DNM1L: variants seen among roughly 807,000 people sequenced by gnomAD.
DNM1L encodes the protein dynamin-1-like protein.
DNM1L carries 33 observed loss-of-function variants against 92.8 expected under a neutral mutation model. That is an observed-to-expected ratio of 0.36 (90% confidence interval 0.27 to 0.48). The LOEUF (loss-of-function observed/expected upper bound fraction) is 0.48. Among genes scored for constraint, DNM1L ranks in the 20% least tolerant of loss-of-function variants. DNM1L has a pLI of 0.99. For synonymous variants in DNM1L, 284 were observed against 305.0 expected, an observed-to-expected ratio of 0.93 and a Z score of 0.72; for missense variants, 485 against 888.8, an observed-to-expected ratio of 0.55 and a Z score of 5.78.
chr12:32,707,518 T>A, intron 3 of DNM1L, 105 bp downstream of exon 3: 1 of 726,264 alleles, frequency 1.4e-6, no homozygotes, highest in Non-Finnish European at 2.2e-6. Context: ...TATTTTAAAG[T>A]AACTATAACT....
intron 3 of DNM1L, 131 bp from the exon 4 acceptor site, chr12:32,708,022 A>G: frequency 1.7e-6 from 1 of 599,350 alleles, no homozygotes; most frequent in South Asian, 2.0e-5. Context: ...GAAAATATGT[A>G]TACATTAGAA....
intron 18 of DNM1L, among the ~76,000 whole-genome samples, chr12:32,740,748 TTC>T (rs1157080789): frequency 6.6e-6 from 1 of 152,222 alleles, no homozygotes; most frequent in Non-Finnish European, 1.5e-5. Context: ...GATTCTTTTG[TTC>T]TATCTGGCTG....
chr12:32,685,183 C>T (rs939135270), intron 1 of DNM1L, among the ~76,000 whole-genome samples: 1 of 151,648 alleles, frequency 6.6e-6, no homozygotes, highest in African/African-American at 2.4e-5. Flanking sequence ...GTGATCCACC[C>T]GCCTCGGCCT....
chr12:32,724,614 AT>A lies in DNM1L; in HGVS notation c.1079+1982del, dbSNP rs1954005580. 1.3e-4 allele frequency among the ~76,000 whole-genome samples: 18 copies of A among 139,974 alleles called. 1 individual carries two copies. The South Asian group carries it at 2.4e-3, about 19-fold the overall frequency. The allele number at this position is 139,974 out of a possible 152,430, so 91.8% of individuals were successfully genotyped here. ...AAAAAATATATATATATATATATAT[AT>A]ATATAAATTATATTAATTAAATATA... On this transcript the variant is annotated intron_variant, in intron 9 of 19. Transcript: ENST00000549701.
At chr12:32,683,460 C>T (rs1365103012) in intron 1 of DNM1L, among the ~76,000 whole-genome samples, 2 of 152,030 alleles carry the variant, frequency 1.3e-5, no homozygotes, top group African/African-American at 4.8e-5. Flanking sequence ...TCAAATGATC[C>T]TCTTGCCTTG....
intron 19 of DNM1L, 96 bp downstream of exon 19, chr12:32,742,844 T>C: frequency 1.4e-6 from 2 of 1,443,690 alleles, no homozygotes; most frequent in Non-Finnish European, 1.9e-6. Flanking sequence ...GTATAGTCTT[T>C]ATATTCTAGC....
chr12:32,682,964 A>C (rs1951865261), intron 1 of DNM1L, among the ~76,000 whole-genome samples: 1 of 152,210 alleles, frequency 6.6e-6, no homozygotes, highest in Admixed American at 6.5e-5. Flanking sequence ...TTGCAAGTAG[A>C]GGAGATAAGA....
Position 32,739,979 on chromosome 12 carries a change from T to C in DNM1L, c.1708-85T>C, listed in dbSNP as rs868160060. ...ACTTCAGATGGGTACTGGATGTATA[T>C]TGACTACTGTCAAATAAAATGAACT... On this transcript the variant is annotated intron_variant, in intron 16 of 19. Transcript: ENST00000549701. The C allele has an allele frequency of 2.5e-5, 39 of 1,564,634 alleles. No homozygotes were observed. The Middle Eastern group carries it at 1.7e-3, about 67-fold the overall frequency.
At chr12:32,704,271 C>T (rs148949861) in intron 2 of DNM1L, among the ~76,000 whole-genome samples, 1,562 of 152,114 alleles carry the variant, frequency 0.01, 35 homozygotes, top group African/African-American at 0.035. Context: ...AAACATAGGC[C>T]GGGCGCGGTG....
chr12:32,711,951 A>C (rs754399586), intron 5 of DNM1L, among the ~76,000 whole-genome samples: 17 of 152,194 alleles, frequency 1.1e-4, no homozygotes, highest in Non-Finnish European at 2.4e-4. Context: ...CATCCTTGAC[A>C]CTAATTTATC....
At chr12:32,732,700 T>A (rs567643945) in intron 12 of DNM1L, 263 of 413,632 alleles carry the variant, frequency 6.4e-4, no homozygotes, top group Non-Finnish European at 1.0e-3. Flanking sequence ...TCATTGGACC[T>A]TCATTTTAAT....
chr12:32,686,928 CTTTTTTTTCTTT>C (rs1177698096), intron 1 of DNM1L, among the ~76,000 whole-genome samples: 1,412 of 121,612 alleles, frequency 0.012, 33 homozygotes, highest in African/African-American at 0.046. Context: ...TGTAAGAGTT[CTTTTTTTTCTTT>C]TTTTTTTTTT....
chr12:32,717,295 T>A lies in DNM1L; in HGVS notation c.620-1348T>A, dbSNP rs1158564585. Reference sequence around the variant, plus strand: ...TATATATTATATATACACTATATATTTTATATATACTATATATTATATATA... The same window carrying A: ...TATATATTATATATACACTATATATATTATATATACTATATATTATATATA... On this transcript the variant is annotated intron_variant, in intron 6 of 19. Transcript: ENST00000549701. 1.2e-3 allele frequency among the ~76,000 whole-genome samples: 113 copies of A among 93,344 alleles called. 2 individuals carry two copies. The highest frequency in any genetic ancestry group is 4.9e-3 in the African/African-American group (104 of 21,250). The allele number at this position is 93,344 out of a possible 152,430, so 61.2% of individuals were successfully genotyped here. A position where few individuals can be genotyped will look rare whatever the true frequency, so the allele number is the denominator to read the frequency against.
intron 6 of DNM1L, among the ~76,000 whole-genome samples, chr12:32,714,733 A>G (rs1264144716): frequency 6.6e-6 from 1 of 151,756 alleles, no homozygotes; most frequent in Non-Finnish European, 1.5e-5. Flanking sequence ...TGCCCGTAAT[A>G]CCAAGCACTT....
At chr12:32,735,829 A>G (rs550716218) in intron 13 of DNM1L, among the ~76,000 whole-genome samples, 2 of 152,184 alleles carry the variant, frequency 1.3e-5, no homozygotes, top group East Asian at 3.9e-4. Flanking sequence ...GTGAGCCAAG[A>G]TCACACCACT....
intron 1 of DNM1L, among the ~76,000 whole-genome samples, chr12:32,697,831 A>G (rs1952531662): frequency 6.6e-6 from 1 of 152,182 alleles, no homozygotes; most frequent in South Asian, 2.1e-4. Flanking sequence ...TACAAAGCAA[A>G]ATCAGCAAAA....
intron 4 of DNM1L, among the ~76,000 whole-genome samples, chr12:32,708,834 C>A (rs918499370): frequency 2.0e-5 from 3 of 151,984 alleles, no homozygotes; most frequent in Non-Finnish European, 2.9e-5. Context: ...CTGAATCCTG[C>A]TGTCTTCTGT....
chr12:32,700,026 C>T (rs1053825092), intron 1 of DNM1L, among the ~76,000 whole-genome samples: 1 of 151,838 alleles, frequency 6.6e-6, no homozygotes, highest in Non-Finnish European at 1.5e-5. Context: ...TGTATAAGCA[C>T]ATTCATTGCA....
chr12:32,704,671 C>T (rs1952851416), intron 2 of DNM1L, among the ~76,000 whole-genome samples: 1 of 151,950 alleles, frequency 6.6e-6, no homozygotes, highest in Non-Finnish European at 1.5e-5. Context: ...TCAGTTGCCC[C>T]CCAAAAAGCA....
Sources: gnomAD v4.1 joint callset for allele counts (sites outside exome capture counted in the v4.1 genomes callset) on GRCh38, gnomAD v4.1.1 for gene constraint, MANE v1.5 for transcripts, NCBI Gene and HGNC (gene_info 2026-07-23, HGNC 2026-07-21) for gene names.